Variants in BRPF3 observed in about 807,000 individuals in gnomAD.
The protein encoded by BRPF3 is bromodomain and PHD finger containing 3, also known as bromodomain and PHD finger-containing protein 3.
BRPF3 carries 18 observed loss-of-function variants against 102.0 expected under a neutral mutation model. The observed-to-expected ratio is 0.18, with a 90% confidence interval of 0.12 to 0.26. BRPF3 has a LOEUF of 0.26. Among genes scored for constraint, BRPF3 ranks in the 10% least tolerant of loss-of-function variants. The pLI is 1.00. For missense variants in BRPF3, 1,147 were observed against 1,567.8 expected, an observed-to-expected ratio of 0.73 and a Z score of 4.53; for synonymous variants, 570 against 614.2, an observed-to-expected ratio of 0.93 and a Z score of 1.06.
At chr6:36,212,755 C>T (rs1768173585) in intron 7 of BRPF3, among the ~76,000 whole-genome samples, 1 of 151,530 alleles carries the variant, frequency 6.6e-6, no homozygotes, top group African/African-American at 2.4e-5. Flanking sequence ...AGATCGAGAC[C>T]ATCCTGGCTA....
intron 4 of BRPF3, among the ~76,000 whole-genome samples, chr6:36,208,480 G>A (rs1030027717): frequency 1.9e-4 from 28 of 151,316 alleles, no homozygotes; most frequent in African/African-American, 5.6e-4. Context: ...CACAAAAAGG[G>A]GAAAAAAAAA....
In BRPF3 at chr6:36,230,068, C is replaced by G. The variant is rs1768884418; in HGVS notation, c.3435-358C>G. Among the ~76,000 whole-genome samples the G allele has an allele frequency of 6.6e-6, 1 of 152,212 alleles. No homozygotes were observed. The highest frequency in any genetic ancestry group is 1.5e-5 in the Non-Finnish European group (1 of 68,024). ...TTCCTAGCCATCGCCCCCTAATTCT[C>G]CAACGCAAGGCGAGGCTCAGAGCCC... On this transcript the variant is annotated intron_variant, in intron 12 of 12. Coordinates refer to ENST00000357641, the MANE Select transcript of BRPF3 (RefSeq NM_015695.3). The surrounding 1 kb of genome is among the most constrained non-coding windows in gnomAD (Gnocchi z 5.4).
At chr6:36,224,152 A>G (rs1768648217) in intron 10 of BRPF3, among the ~76,000 whole-genome samples, 4 of 152,214 alleles carry the variant, frequency 2.6e-5, no homozygotes, top group Admixed American at 2.6e-4. Context: ...GCTTGAAGCC[A>G]GGAGTTTGAG....
rs1768916208 is a variant in BRPF3 at position 36,230,830 on chromosome 6, CA to C, written c.*222del. Reference sequence around the variant, plus strand: ...CCAAAAACTCCCACCCAAGGTCCCTCAGGGGATATTTCACTGAAGAACCAGT... The same window carrying C: ...CCAAAAACTCCCACCCAAGGTCCCTCGGGGATATTTCACTGAAGAACCAGT... On this transcript the variant is annotated 3_prime_UTR_variant, in exon 13 of 13. Coordinates refer to ENST00000357641, the MANE Select transcript of BRPF3 (RefSeq NM_015695.3). The surrounding 1 kb of genome is among the most constrained non-coding windows in gnomAD (Gnocchi z 5.4). The C allele has an allele frequency of 1.8e-6, 1 of 569,564 alleles. No individual in the cohort carries two copies. Among genetic ancestry groups the C allele is most frequent in the South Asian group, 2.3e-5 (1 of 43,192 alleles). The allele number at this position is 569,564 out of a possible 1,614,324, so 35.3% of individuals were successfully genotyped here.
intron 11 of BRPF3, among the ~76,000 whole-genome samples, chr6:36,226,568 T>C (rs532499581): frequency 9.5e-4 from 144 of 152,306 alleles, no homozygotes; most frequent in Middle Eastern, 6.8e-3. Flanking sequence ...ACATCCTAGA[T>C]GATCTGTAGC....
At chr6:36,224,675 G>A (rs1005655608) in intron 10 of BRPF3, among the ~76,000 whole-genome samples, 1 of 152,226 alleles carries the variant, frequency 6.6e-6, no homozygotes, top group Non-Finnish European at 1.5e-5. Context: ...CCAGAGAGCA[G>A]TATGTGGCAT....
intron 2 of BRPF3, among the ~76,000 whole-genome samples, chr6:36,203,039 G>A (rs998908710): frequency 6.6e-6 from 1 of 152,188 alleles, no homozygotes; most frequent in African/African-American, 2.4e-5. Context: ...TCACAGAGCT[G>A]TTCTAGGTTA....
intron 8 of BRPF3, among the ~76,000 whole-genome samples, chr6:36,217,442 C>T (rs1277258602): frequency 2.0e-5 from 3 of 152,206 alleles, no homozygotes; most frequent in African/African-American, 7.2e-5. Flanking sequence ...CCCAAAGAAT[C>T]AAACTAGCTG....
At chr6:36,199,276 T>A (rs1236871727) in intron 1 of BRPF3, among the ~76,000 whole-genome samples, 5 of 152,188 alleles carry the variant, frequency 3.3e-5, no homozygotes, top group Non-Finnish European at 7.3e-5. Context: ...ATGTGAGGGA[T>A]CTAGGTTGCA....
At chr6:36,198,579 C>T (rs965252439) in intron 1 of BRPF3, among the ~76,000 whole-genome samples, 14 of 152,038 alleles carry the variant, frequency 9.2e-5, no homozygotes, top group African/African-American at 2.4e-4. Context: ...ATAGCTACAC[C>T]ATCTCCTAAG....
At chr6:36,203,823 G>T (rs1186085167) in intron 2 of BRPF3, among the ~76,000 whole-genome samples, 1 of 152,182 alleles carries the variant, frequency 6.6e-6, no homozygotes, top group Non-Finnish European at 1.5e-5. Context: ...ATCCAACCTG[G>T]ATCCACCATC....
At chr6:36,221,723 A>G (rs1174171060) in intron 9 of BRPF3, among the ~76,000 whole-genome samples, 1 of 152,228 alleles carries the variant, frequency 6.6e-6, no homozygotes, top group Non-Finnish European at 1.5e-5. Context: ...TGTCCACTTT[A>G]GAAAATTTGG....
intron 11 of BRPF3, 121 bp downstream of exon 11, chr6:36,225,485 G>T: frequency 5.7e-6 from 5 of 879,734 alleles, no homozygotes; most frequent in South Asian, 3.6e-5. Context: ...AGAGGGGAGG[G>T]GGGTTTTGCC....
At position 36,225,307 on chromosome 6, in the gene BRPF3, G is replaced by A. The variant is rs759706610; in HGVS notation, c.3222G>A (p.Leu1074=). 4 of 1,610,360 alleles carry A rather than the reference G, an allele frequency of 2.5e-6. No homozygotes were observed. The African/African-American group carries it at 5.3e-5, about 21-fold the overall frequency. ...TGCCCTTTGAAGACCGCGGAGACCT[G>A]GAGCCCTTGGAGCTGGTGTGGGCCA... is the stretch of plus-strand genomic sequence containing the variant. ...LLLPFEDRGD[L]EPLELVWAKC... Residue 1074 remains leucine, a synonymous_variant, in exon 11 of 13, where the codon CTG becomes CTA. Coordinates refer to ENST00000357641, the MANE Select transcript of BRPF3 (RefSeq NM_015695.3).
chr6:36,224,260 A>G (rs986122752), intron 10 of BRPF3, among the ~76,000 whole-genome samples: 1 of 152,196 alleles, frequency 6.6e-6, no homozygotes, highest in African/African-American at 2.4e-5. Flanking sequence ...TAGAAATAAC[A>G]ATTTCCACCC....
rs888624297 is a variant in BRPF3 at position 36,217,814 on chromosome 6, C to T, written c.2990-103C>T. The T allele has an allele frequency of 6.1e-6, 5 of 824,478 alleles. No individual in the cohort carries two copies. The African/African-American group carries it at 7.0e-5, about 11-fold the overall frequency. The allele number at this position is 824,478 out of a possible 1,614,324, so 51.1% of individuals were successfully genotyped here. On this transcript the variant is annotated intron_variant, in intron 8 of 12. Transcript: ENST00000357641. ...TCACAGGGAAAGGAATAGCCATCCT[C>T]TCCACTCGTCACTGAGCCCTCCTGA...
Position 36,230,392 on chromosome 6 carries a change from T to C in BRPF3, c.3435-34T>C. ...AGCCCGAGCCCCCTGTGAGACCCACTACTGCCCAGCCTCTTACTGTGCTTG... is the reference window on the plus strand; with the variant it reads ...AGCCCGAGCCCCCTGTGAGACCCACCACTGCCCAGCCTCTTACTGTGCTTG... On this transcript the variant is annotated intron_variant, in intron 12 of 12. Coordinates refer to ENST00000357641, the MANE Select transcript of BRPF3 (RefSeq NM_015695.3). The surrounding 1 kb of genome is among the most constrained non-coding windows in gnomAD (Gnocchi z 5.4). 6.2e-7 allele frequency: 1 copy of C among 1,608,148 alleles called. No individual in the cohort carries two copies. The highest frequency in any genetic ancestry group is 8.5e-7 in the Non-Finnish European group (1 of 1,176,268).
intron 9 of BRPF3, among the ~76,000 whole-genome samples, chr6:36,221,425 T>C (rs559580623): frequency 2.0e-5 from 3 of 151,372 alleles, no homozygotes; most frequent in Middle Eastern, 3.2e-3. Flanking sequence ...TAGCTGGGAG[T>C]ACAGACACGT....
intron 11 of BRPF3, among the ~76,000 whole-genome samples, chr6:36,226,012 A>G (rs1768726999): frequency 6.6e-6 from 1 of 152,230 alleles, no homozygotes; most frequent in Admixed American, 6.5e-5. Context: ...GCCATTAAAC[A>G]TTCTTCATCA....
Sources: allele counts gnomAD v4.1 joint callset (sites outside exome capture counted in the v4.1 genomes callset), GRCh38; gene constraint gnomAD v4.1.1; non-coding constraint Gnocchi (gnomAD v3.1); transcripts MANE v1.5; gene names NCBI Gene and HGNC (gene_info 2026-07-23, HGNC 2026-07-21).